SEMA3A: variants seen among roughly 807,000 people sequenced by gnomAD.
SEMA3A encodes semaphorin-3A.
SEMA3A carries 29 observed loss-of-function variants against 97.9 expected under a neutral mutation model. The observed-to-expected ratio is 0.30, with a 90% CI of 0.22 to 0.40. SEMA3A has a LOEUF of 0.40. SEMA3A is among the 10% of genes least tolerant of loss of function. The pLI is 1.00. For missense variants in SEMA3A, 763 were observed against 951.3 expected (o/e 0.80, Z 2.60); for synonymous variants, 321 against 323.7 (o/e 0.99, Z 0.09).
intron 2 of SEMA3A, among the ~76,000 whole-genome samples, chr7:84,347,210 A>C (rs1348520720): frequency 6.6e-6 from 1 of 152,180 alleles, no homozygotes; most frequent in Non-Finnish European, 1.5e-5. Flanking sequence ...AAATGAAAAC[A>C]TGCATTTCCA....
At chr7:84,313,350 GTGTGTGTATATATATATATATATA>G (rs1257671722) in intron 2 of SEMA3A, among the ~76,000 whole-genome samples, 6 of 38,680 alleles carry the variant, frequency 1.6e-4, no homozygotes, top group Admixed American at 2.6e-4. Context: ...ATGTATATGT[GTGTGTGTATATATATATATATATA>G]TATATATATA....
intron 1 of SEMA3A, among the ~76,000 whole-genome samples, chr7:84,476,689 T>A (rs1215625582): frequency 2.0e-5 from 3 of 152,106 alleles, no homozygotes; most frequent in Non-Finnish European, 4.4e-5. Context: ...AACGGATAAA[T>A]TAACCAAAAA....
At chr7:84,427,771 A>T (rs1804867204) in intron 1 of SEMA3A, among the ~76,000 whole-genome samples, 1 of 152,020 alleles carries the variant, frequency 6.6e-6, no homozygotes, top group African/African-American at 2.4e-5. Flanking sequence ...AATGGGGAAT[A>T]ATAAATACAA....
chr7:84,363,570 A>G (rs1480044155), intron 2 of SEMA3A, among the ~76,000 whole-genome samples: 2 of 151,878 alleles, frequency 1.3e-5, no homozygotes, highest in African/African-American at 2.4e-5. Flanking sequence ...TTTGCCTTCA[A>G]TTTTATAACA....
At chr7:84,322,104 T>A (rs1022218799) in intron 2 of SEMA3A, among the ~76,000 whole-genome samples, 2 of 151,312 alleles carry the variant, frequency 1.3e-5, no homozygotes, top group African/African-American at 2.4e-5. Flanking sequence ...TCAGATCTCA[T>A]GAGAACTCAC....
At chr7:84,065,860 A>G (rs1428004024) in intron 4 of SEMA3A, among the ~76,000 whole-genome samples, 4 of 151,974 alleles carry the variant, frequency 2.6e-5, no homozygotes, top group African/African-American at 7.3e-5. Context: ...AACTGGTAGC[A>G]TTCCTTCTGA....
At chr7:84,437,174 A>C (rs185239621) in intron 1 of SEMA3A, among the ~76,000 whole-genome samples, 25 of 152,206 alleles carry the variant, frequency 1.6e-4, no homozygotes, top group Admixed American at 3.3e-4. Flanking sequence ...ACAATGAATG[A>C]TCTATGGTAA....
At chr7:84,288,147 C>T (rs955927183) in intron 3 of SEMA3A, among the ~76,000 whole-genome samples, 2 of 151,980 alleles carry the variant, frequency 1.3e-5, no homozygotes, top group Non-Finnish European at 2.9e-5. Context: ...GGCAGTGTCT[C>T]ATTATATTGC....
At chr7:84,059,537 AAATTT>A (rs1233440814) in intron 5 of SEMA3A, among the ~76,000 whole-genome samples, 1 of 152,108 alleles carries the variant, frequency 6.6e-6, no homozygotes, top group Non-Finnish European at 1.5e-5. Flanking sequence ...CAGATAACCT[AAATTT>A]AATTTTTTAA....
At chr7:84,056,900 AAAG>A (rs1793005527) in intron 5 of SEMA3A, among the ~76,000 whole-genome samples, 1 of 152,208 alleles carries the variant, frequency 6.6e-6, no homozygotes, top group African/African-American at 2.4e-5. Flanking sequence ...TGCATATATT[AAAG>A]AATTACACAA....
chr7:84,306,626 A>G (rs1456506685), intron 3 of SEMA3A: 1 of 152,164 alleles, frequency 6.6e-6, no homozygotes, highest in African/African-American at 2.4e-5. Flanking sequence ...ATGGTTGAAA[A>G]GCATTAAAAT....
At chr7:84,291,030 C>G (rs566902693) in intron 3 of SEMA3A, among the ~76,000 whole-genome samples, 9 of 152,142 alleles carry the variant, frequency 5.9e-5, no homozygotes, top group African/African-American at 1.9e-4. Flanking sequence ...AAAAACTGGA[C>G]TGTAAGAGTT....
chr7:84,379,300 TAA>T (rs1803195514), intron 1 of SEMA3A, among the ~76,000 whole-genome samples: 1 of 152,194 alleles, frequency 6.6e-6, no homozygotes, highest in African/African-American at 2.4e-5. Flanking sequence ...CACAATTTTA[TAA>T]GTTAGTTTGT....
intron 2 of SEMA3A, among the ~76,000 whole-genome samples, chr7:84,359,283 A>G (rs1180441821): frequency 6.6e-6 from 1 of 151,864 alleles, no homozygotes; most frequent in African/African-American, 2.4e-5. Flanking sequence ...GTTTGTCATA[A>G]ATAGCTCTTA....
intron 1 of SEMA3A, among the ~76,000 whole-genome samples, chr7:84,156,402 T>C (rs1248754120): frequency 6.6e-6 from 1 of 152,168 alleles, no homozygotes; most frequent in Non-Finnish European, 1.5e-5. Flanking sequence ...TGTGACATTT[T>C]GTAAATGTTA....
chr7:84,239,590 A>G (rs542132788), intron 3 of SEMA3A, among the ~76,000 whole-genome samples: 1 of 152,334 alleles, frequency 6.6e-6, no homozygotes, highest in East Asian at 1.9e-4. Context: ...CTAAAAATGC[A>G]GTGCCAATTA....
At chr7:84,328,874 G>T (rs1233680232) in intron 2 of SEMA3A, among the ~76,000 whole-genome samples, 1 of 151,802 alleles carries the variant, frequency 6.6e-6, no homozygotes, top group African/African-American at 2.4e-5. Context: ...TCACACACAG[G>T]GTTATACAAA....
intron 3 of SEMA3A, among the ~76,000 whole-genome samples, chr7:84,112,901 C>T (rs1795315681): frequency 6.6e-6 from 1 of 152,186 alleles, no homozygotes; most frequent in Non-Finnish European, 1.5e-5. Context: ...AAGGGTTCTA[C>T]CTAGAGTGCT....
intron 1 of SEMA3A, among the ~76,000 whole-genome samples, chr7:84,385,258 C>G (rs1803368780): frequency 6.6e-6 from 1 of 152,102 alleles, no homozygotes; most frequent in South Asian, 2.1e-4. Flanking sequence ...TCCACTGAGC[C>G]TAGATTTGTC....
Sources: allele counts gnomAD v4.1 joint callset (sites outside exome capture counted in the v4.1 genomes callset), GRCh38; gene constraint gnomAD v4.1.1; transcripts MANE v1.5; gene names NCBI Gene and HGNC (gene_info 2026-07-23, HGNC 2026-07-21).